SGCZ: variants seen among roughly 807,000 people sequenced by gnomAD.
The protein encoded by SGCZ is sarcoglycan zeta.
Under a neutral mutation model 41.3 loss-of-function variants are expected in SGCZ, and 40 were observed. That is an observed-to-expected ratio of 0.97 (90% confidence interval 0.75 to 1.26). SGCZ has a LOEUF of 1.26. Among genes scored for constraint, SGCZ ranks in the 50% most tolerant of loss-of-function variants. The pLI, the probability that SGCZ is intolerant of heterozygous loss-of-function variation, is 0.00. For missense variants in SGCZ, 552 were observed against 369.8 expected, an observed-to-expected ratio of 1.49 and a Z score of -4.04; for synonymous variants, 206 against 137.5, an observed-to-expected ratio of 1.50 and a Z score of -3.49.
intron 1 of SGCZ, among the ~76,000 whole-genome samples, chr8:15,111,462 C>G (rs191410330): frequency 3.2e-3 from 489 of 152,302 alleles, no homozygotes; most frequent in Non-Finnish European, 5.2e-3. Context: ...CCTCAAGCCA[C>G]GGGCCAAATC....
chr8:14,541,291 T>A (rs1409955105), intron 2 of SGCZ, among the ~76,000 whole-genome samples: 23 of 152,072 alleles, frequency 1.5e-4, no homozygotes, highest in Admixed American at 1.5e-3. Context: ...CCTAATGCTC[T>A]CCCTCCCCTT....
At chr8:15,016,553 T>A (rs1317872204) in intron 1 of SGCZ, among the ~76,000 whole-genome samples, 1 of 152,206 alleles carries the variant, frequency 6.6e-6, no homozygotes, top group African/African-American at 2.4e-5. Context: ...CGCACTGTTA[T>A]CGCAGACGCT....
At chr8:15,180,183 A>G (rs1326821660) in intron 1 of SGCZ, among the ~76,000 whole-genome samples, 1 of 152,168 alleles carries the variant, frequency 6.6e-6, no homozygotes, top group Non-Finnish European at 1.5e-5. Flanking sequence ...CGCAAAACTA[A>G]TATCATGATG....
At chr8:14,242,288 T>A (rs899498209) in intron 3 of SGCZ, among the ~76,000 whole-genome samples, 2 of 152,172 alleles carry the variant, frequency 1.3e-5, no homozygotes, top group Admixed American at 1.3e-4. Flanking sequence ...GCAACCAACA[T>A]TTACTGGCCC....
intron 1 of SGCZ, among the ~76,000 whole-genome samples, chr8:15,116,036 G>C (rs371773390): frequency 6.6e-6 from 1 of 152,068 alleles, no homozygotes; most frequent in African/African-American, 2.4e-5. Context: ...ATTAAAAACA[G>C]CCATAAACAA....
In SGCZ at chr8:15,140,216, G is replaced by A. The variant is rs142663470; in HGVS notation, c.39+97369C>T. On this transcript the variant is annotated intron_variant, in intron 1 of 7. Coordinates refer to ENST00000382080, the MANE Select transcript of SGCZ (RefSeq NM_139167.4). ...ATTTTTTACTTTTTTGTAGACAAAGGGCCTCTCTTTATTGCCCAGGCCAGT... is the reference window on the plus strand; with the variant it reads ...ATTTTTTACTTTTTTGTAGACAAAGAGCCTCTCTTTATTGCCCAGGCCAGT... Among the ~76,000 whole-genome samples, 1,080 of 152,034 alleles carry A rather than the reference G, an allele frequency of 7.1e-3. 9 individuals are homozygous for A. The highest frequency in any genetic ancestry group is 0.015 in the East Asian group (77 of 5,150).
chr8:14,685,725 C>T (rs1464147060), intron 1 of SGCZ, among the ~76,000 whole-genome samples: 2 of 151,942 alleles, frequency 1.3e-5, no homozygotes, highest in Non-Finnish European at 2.9e-5. Context: ...AGTTTTTATG[C>T]AAAGTAAAAT....
At chr8:14,500,529 A>G (rs1802121095) in intron 2 of SGCZ, among the ~76,000 whole-genome samples, 1 of 151,902 alleles carries the variant, frequency 6.6e-6, no homozygotes, top group South Asian at 2.1e-4. Flanking sequence ...GCAAATAACA[A>G]TTTTTTCAAG....
intron 2 of SGCZ, among the ~76,000 whole-genome samples, chr8:14,548,123 C>G (rs1160476144): frequency 1.3e-5 from 2 of 152,054 alleles, no homozygotes; most frequent in Non-Finnish European, 2.9e-5. Context: ...CTACATCAGC[C>G]TGATGAAATA....
At chr8:14,565,247 C>T (rs890060715) in intron 1 of SGCZ, among the ~76,000 whole-genome samples, 2 of 151,948 alleles carry the variant, frequency 1.3e-5, no homozygotes, top group African/African-American at 2.4e-5. Flanking sequence ...CCTCATACAT[C>T]CTAAAATTAG....
chr8:15,162,807 TAG>T (rs1169291792), intron 1 of SGCZ, among the ~76,000 whole-genome samples: 2 of 152,210 alleles, frequency 1.3e-5, no homozygotes, highest in East Asian at 3.8e-4. Flanking sequence ...TAATACTTTA[TAG>T]AGAGTTCCTA....
At chr8:14,140,108 G>T (rs575801529) in intron 5 of SGCZ, among the ~76,000 whole-genome samples, 25 of 152,066 alleles carry the variant, frequency 1.6e-4, no homozygotes, top group Non-Finnish European at 1.5e-5. Context: ...AAATACCTTC[G>T]ACAAAATTCA....
intron 4 of SGCZ, among the ~76,000 whole-genome samples, chr8:14,234,940 G>C (rs11203585): frequency 0.64 from 96,721 of 151,964 alleles, 31,083 homozygotes; most frequent in South Asian, 0.77. Context: ...ACACTGAATA[G>C]AAAAGCATCA....
At chr8:14,836,982 T>A (rs4240175) in intron 1 of SGCZ, among the ~76,000 whole-genome samples, 1 of 151,886 alleles carries the variant, frequency 6.6e-6, no homozygotes, top group Non-Finnish European at 1.5e-5. Flanking sequence ...ATAAACCTTT[T>A]CATATATACT....
chr8:14,161,847 A>C (rs1481968994), intron 5 of SGCZ, among the ~76,000 whole-genome samples: 1 of 152,150 alleles, frequency 6.6e-6, no homozygotes, highest in Non-Finnish European at 1.5e-5. Context: ...ACATATATGT[A>C]TATCTATACA....
At chr8:14,449,697 T>C (rs1052943716) in intron 2 of SGCZ, among the ~76,000 whole-genome samples, 1 of 152,134 alleles carries the variant, frequency 6.6e-6, no homozygotes, top group Non-Finnish European at 1.5e-5. Flanking sequence ...ATACTCTTCA[T>C]GCATTAAAGT....
At chr8:14,428,250 T>C (rs925095264) in intron 2 of SGCZ, among the ~76,000 whole-genome samples, 1 of 151,870 alleles carries the variant, frequency 6.6e-6, no homozygotes, top group Non-Finnish European at 1.5e-5. Context: ...CTATATAATA[T>C]GTAGGGTAAA....
At chr8:14,121,195 A>G (rs908834640) in intron 5 of SGCZ, among the ~76,000 whole-genome samples, 59 of 152,146 alleles carry the variant, frequency 3.9e-4, no homozygotes, top group African/African-American at 1.3e-3. Context: ...TAGTATTAAC[A>G]TATATTCAAC....
At chr8:14,599,125 T>A (rs1192024930) in intron 1 of SGCZ, among the ~76,000 whole-genome samples, 1 of 152,148 alleles carries the variant, frequency 6.6e-6, no homozygotes, top group Non-Finnish European at 1.5e-5. Context: ...AACATCTTCA[T>A]CTCCGTACAT....
Sources: allele counts gnomAD v4.1 joint callset (sites outside exome capture counted in the v4.1 genomes callset), GRCh38; gene constraint gnomAD v4.1.1; transcripts MANE v1.5; gene names NCBI Gene and HGNC (gene_info 2026-07-23, HGNC 2026-07-21).